NEGR1: variants seen among roughly 807,000 people sequenced by gnomAD.
The protein encoded by NEGR1 is IgLON family member 4.
In NEGR1, 10 loss-of-function variants were observed where a neutral mutation model predicts 40.9. That is an observed-to-expected ratio of 0.24 (90% CI 0.15 to 0.42). NEGR1 has a LOEUF of 0.42. NEGR1 is among the 10% of genes least tolerant of loss of function. The pLI is 1.00. For synonymous variants in NEGR1, 185 were observed against 166.8 expected (o/e 1.11, Z -0.84); for missense variants, 352 against 438.9 (o/e 0.80, Z 1.77).
intron 4 of NEGR1, among the ~76,000 whole-genome samples, chr1:71,663,373 C>T (rs79490578): frequency 0.024 from 3,587 of 152,182 alleles, 95 homozygotes; most frequent in Admixed American, 0.07. Context: ...TTGTACAATG[C>T]TTATTTTTTA....
chr1:72,015,275 T>C (rs1646699027), intron 1 of NEGR1, among the ~76,000 whole-genome samples: 1 of 152,086 alleles, frequency 6.6e-6, no homozygotes, highest in Admixed American at 6.6e-5. Context: ...TAAATGAAAT[T>C]GGTTATTCAG....
intron 1 of NEGR1, among the ~76,000 whole-genome samples, chr1:72,273,852 A>T (rs1655941750): frequency 1.3e-5 from 2 of 151,844 alleles, no homozygotes; most frequent in Admixed American, 1.3e-4. Context: ...AAACACTTAA[A>T]TACATTCATT....
chr1:72,241,076 T>C (rs1654716611), intron 1 of NEGR1, among the ~76,000 whole-genome samples: 1 of 151,854 alleles, frequency 6.6e-6, no homozygotes, highest in African/African-American at 2.4e-5. Flanking sequence ...ACAAAAGTGG[T>C]TTAACTTGAT....
chr1:71,552,810 A>G (rs1648131184), intron 6 of NEGR1, among the ~76,000 whole-genome samples: 1 of 151,348 alleles, frequency 6.6e-6, no homozygotes, highest in South Asian at 2.1e-4. Flanking sequence ...TTCTTGGACT[A>G]TGTAAGTAGG....
intron 1 of NEGR1, among the ~76,000 whole-genome samples, chr1:72,136,199 T>A (rs1650457045): frequency 6.6e-6 from 1 of 152,050 alleles, no homozygotes; most frequent in Admixed American, 6.5e-5. Context: ...AAATAAAATG[T>A]TAGGATGAGA....
chr1:71,501,694 C>T (rs1027916248), intron 6 of NEGR1, among the ~76,000 whole-genome samples: 1 of 152,026 alleles, frequency 6.6e-6, no homozygotes, highest in African/African-American at 2.4e-5. Flanking sequence ...AAATCTACAA[C>T]AATGTGAGAG....
At chr1:71,479,925 T>G (rs1000631299) in intron 6 of NEGR1, among the ~76,000 whole-genome samples, 4 of 151,996 alleles carry the variant, frequency 2.6e-5, no homozygotes, top group Non-Finnish European at 5.9e-5. Context: ...TTGTTTAGCA[T>G]GCTTTAAGTA....
intron 3 of NEGR1, among the ~76,000 whole-genome samples, chr1:71,773,629 T>C (rs1163763808): frequency 1.3e-5 from 2 of 152,202 alleles, no homozygotes; most frequent in African/African-American, 4.8e-5. Flanking sequence ...AATTTGAATG[T>C]AGATCATTAA....
At chr1:72,232,471 G>C (rs1557590054) in intron 1 of NEGR1, among the ~76,000 whole-genome samples, 2 of 152,074 alleles carry the variant, frequency 1.3e-5, no homozygotes, top group Admixed American at 6.6e-5. Context: ...TCCTTAAAGA[G>C]GTTAGATAGA....
At chr1:71,506,640 G>T (rs937695285) in intron 6 of NEGR1, among the ~76,000 whole-genome samples, 2 of 152,130 alleles carry the variant, frequency 1.3e-5, no homozygotes, top group Non-Finnish European at 2.9e-5. Context: ...AATCCTGCCA[G>T]TTTCCTATGG....
intron 3 of NEGR1, among the ~76,000 whole-genome samples, chr1:71,718,100 T>C (rs971150724): frequency 3.9e-5 from 6 of 152,186 alleles, no homozygotes; most frequent in African/African-American, 1.4e-4. Context: ...AAAAATTTTG[T>C]AAAGGCGAAT....
chr1:72,168,004 T>C (rs1651825199), intron 1 of NEGR1, among the ~76,000 whole-genome samples: 1 of 11,686 alleles, frequency 8.6e-5, no homozygotes, highest in Non-Finnish European at 1.7e-4. Context: ...TTATTATTAT[T>C]ATTTTTTTTT....
At chr1:72,183,294 G>A (rs1278943674) in intron 1 of NEGR1, among the ~76,000 whole-genome samples, 1 of 152,084 alleles carries the variant, frequency 6.6e-6, no homozygotes, top group Non-Finnish European at 1.5e-5. Context: ...AAGTGATTGA[G>A]CATAGGGGTA....
At chr1:72,179,003 G>T (rs1466082332) in intron 1 of NEGR1, among the ~76,000 whole-genome samples, 2 of 151,696 alleles carry the variant, frequency 1.3e-5, no homozygotes, top group African/African-American at 4.8e-5. Context: ...TAGGTTGTCT[G>T]TTTTCTCTGT....
chr1:71,858,452 G>A (rs555391623), intron 2 of NEGR1, among the ~76,000 whole-genome samples: 2 of 152,100 alleles, frequency 1.3e-5, no homozygotes, highest in South Asian at 4.2e-4. Context: ...GGTTTTAATG[G>A]GAAATAATTA....
At position 72,126,145 on chromosome 1, in the gene NEGR1, GAA is replaced by G. The variant is rs112626734; in HGVS notation, c.176+156172_176+156173del. The stretch of plus-strand genomic sequence containing the variant: ...TGTGTGTGTGTGTGTGAAAGACAGA[GAA>G]AGAGAGAGGAACGGAGAGAGGGAGA... On this transcript the variant is annotated intron_variant, in intron 1 of 6. Transcript: ENST00000357731. 5.1e-3 allele frequency among the ~76,000 whole-genome samples: 771 copies of G among 149,768 alleles called. 10 individuals are homozygous for G. Among genetic ancestry groups the G allele is most frequent in the African/African-American group, 0.018 (742 of 40,960 alleles).
chr1:72,045,237 T>G (rs147182127), intron 1 of NEGR1, among the ~76,000 whole-genome samples: 128 of 151,974 alleles, frequency 8.4e-4, no homozygotes, highest in African/African-American at 3.1e-3. Flanking sequence ...GGAAAGTGCA[T>G]ACTAGGACCA....
chr1:71,454,731 C>T (rs969209247), intron 6 of NEGR1, among the ~76,000 whole-genome samples: 3 of 152,246 alleles, frequency 2.0e-5, no homozygotes, highest in Non-Finnish European at 2.9e-5. Flanking sequence ...GAACAGATCA[C>T]TCCTTTCTCT....
chr1:72,023,827 G>A (rs1040918657), intron 1 of NEGR1, among the ~76,000 whole-genome samples: 1 of 151,958 alleles, frequency 6.6e-6, no homozygotes, highest in Non-Finnish European at 1.5e-5. Context: ...ACTAGTAAAT[G>A]TCATTATATT....
Sources: gnomAD v4.1 joint callset for allele counts (sites outside exome capture counted in the v4.1 genomes callset) on GRCh38, gnomAD v4.1.1 for gene constraint, MANE v1.5 for transcripts, NCBI Gene and HGNC (gene_info 2026-07-23, HGNC 2026-07-21) for gene names.